Variants in DEF6 observed in about 807,000 individuals in gnomAD.
DEF6 encodes the protein DEF6 guanine nucleotide exchange factor, also known as differentially expressed in FDCP 6 homolog.
Under a neutral mutation model 80.5 loss-of-function variants are expected in DEF6, and 32 were observed. The observed-to-expected ratio is 0.40, with a 90% confidence interval of 0.30 to 0.53. The LOEUF is 0.53. Ranked by LOEUF, DEF6 falls within the 20% of genes least tolerant of loss-of-function variation. The probability of loss-of-function intolerance (pLI) is 0.57; values close to 1 mark genes in which losing one functional copy is unlikely to be tolerated. For synonymous variants in DEF6, 300 were observed against 337.9 expected, an observed-to-expected ratio of 0.89 and a Z score of 1.23; for missense variants, 575 against 818.7, an observed-to-expected ratio of 0.70 and a Z score of 3.63.
chr6:35,312,210 C>G lies in DEF6; in HGVS notation c.424-92C>G. ...CGCTCTGTCCCCTGTTTCCCTCTGC[C>G]CAGGCTCTGGGAGCCAGATAGAGCA... is the stretch of plus-strand genomic sequence containing the variant. On this transcript the variant is annotated intron_variant, in intron 3 of 10. Coordinates refer to ENST00000316637, the MANE Select transcript of DEF6 (RefSeq NM_022047.4). The surrounding 1 kb of genome is among the most constrained non-coding windows in gnomAD (Gnocchi z 6.6). 4 of 1,106,004 alleles carry G rather than the reference C, an allele frequency of 3.6e-6. No homozygotes were observed. Among genetic ancestry groups the G allele is most frequent in the Non-Finnish European group, 5.3e-6 (4 of 754,332 alleles). The allele number at this position is 1,106,004 out of a possible 1,614,324, so 68.5% of individuals were successfully genotyped here.
At chr6:35,302,070 T>G (rs2150384733) in intron 1 of DEF6, among the ~76,000 whole-genome samples, 1 of 152,032 alleles carries the variant, frequency 6.6e-6, no homozygotes, top group African/African-American at 2.4e-5. Flanking sequence ...CTAGATTCAT[T>G]TAAAGACCTT....
Position 35,321,358 on chromosome 6 carries a change from C to T in DEF6, c.1844C>T (p.Ala615Val). 6.2e-7 allele frequency: 1 copy of T among 1,614,108 alleles called. No homozygotes were observed. The highest frequency in any genetic ancestry group is 8.5e-7 in the Non-Finnish European group (1 of 1,179,988). ...CTCAATGGTGGGGATGAGGCTCCTG[C>T]CCCGGCTTCCACCCCTCAGGAAGAT... Reference protein sequence around the residue: ...KSLNGGDEAPAPASTPQEDKL... With the variant: ...KSLNGGDEAPVPASTPQEDKL... The change falls in exon 11 of 11, where the codon GCC (alanine) becomes GTC (valine). Residue 615 changes from alanine to valine, a missense_variant. Transcript: ENST00000316637.
chr6:35,318,087 G>T lies in DEF6; in HGVS notation c.917-86G>T. On this transcript the variant is annotated intron_variant, in intron 6 of 10. Coordinates refer to ENST00000316637, the MANE Select transcript of DEF6 (RefSeq NM_022047.4). This position sits in a 1 kb window ranked among gnomAD's most constrained non-coding sequence, Gnocchi z 5.1. ...GGTGATAATACTTTGTCCAGCGGGAGGTTGGAGAGTGGACTCGGGAAACTC... is the reference window on the plus strand; with the variant it reads ...GGTGATAATACTTTGTCCAGCGGGATGTTGGAGAGTGGACTCGGGAAACTC... 7 of 1,544,476 alleles carry T rather than the reference G, an allele frequency of 4.5e-6. No individual in the cohort carries two copies. The highest frequency in any genetic ancestry group is 6.1e-6 in the Non-Finnish European group (7 of 1,144,178).
chr6:35,320,169 T>C, intron 9 of DEF6, 152 bp downstream of exon 9: 2 of 698,996 alleles, frequency 2.9e-6, no homozygotes, highest in Non-Finnish European at 2.4e-6. Context: ...GGAGTTAGTC[T>C]CTCACCTGGG....
At chr6:35,305,877 T>G (rs1348028466) in intron 1 of DEF6, among the ~76,000 whole-genome samples, 6 of 145,776 alleles carry the variant, frequency 4.1e-5, no homozygotes, top group African/African-American at 1.3e-4. Context: ...CTGGCCAAAT[T>G]TGTTTTTTTG....
Position 35,318,794 on chromosome 6 carries a change from G to A in DEF6, c.1215+323G>A, listed in dbSNP as rs1791553909. Among the ~76,000 whole-genome samples the A allele has an allele frequency of 6.6e-6, 1 of 152,160 alleles. No individual in the cohort carries two copies. On this transcript the variant is annotated intron_variant, in intron 7 of 10. Transcript: ENST00000316637. This position sits in a 1 kb window ranked among gnomAD's most constrained non-coding sequence, Gnocchi z 5.1. ...GGCAGAAGGAGCCGTTGAAGACCGT[G>A]TGATTGGGGATTAGACTGGACCAAG...
intron 1 of DEF6, among the ~76,000 whole-genome samples, chr6:35,299,126 T>G (rs1381716076): frequency 6.6e-6 from 1 of 152,152 alleles, no homozygotes; most frequent in Non-Finnish European, 1.5e-5. Context: ...TTTGTGAGCA[T>G]CTAATAGATG....
intron 1 of DEF6, among the ~76,000 whole-genome samples, chr6:35,301,131 T>G (rs1791308404): frequency 1.3e-5 from 2 of 152,186 alleles, no homozygotes; most frequent in East Asian, 3.8e-4. Flanking sequence ...GTGAGACTCT[T>G]GCCCACTGAG....
chr6:35,305,241 G>T (rs534696631), intron 1 of DEF6, among the ~76,000 whole-genome samples: 2 of 150,596 alleles, frequency 1.3e-5, no homozygotes, highest in Non-Finnish European at 3.0e-5. Flanking sequence ...GACTTCCTGG[G>T]CTCAAGCAAT....
At chr6:35,304,600 G>A (rs1281219133) in intron 1 of DEF6, among the ~76,000 whole-genome samples, 2 of 152,216 alleles carry the variant, frequency 1.3e-5, no homozygotes, top group Non-Finnish European at 2.9e-5. Context: ...ATGGGGCCTG[G>A]AGGCCTGTGG....
chr6:35,306,285 C>T lies in DEF6; in HGVS notation c.97-3385C>T, dbSNP rs1285544489. ...CAGCACTTTGGGAGGCCGAGGCGGG[C>T]GGAACACCTGAGGTCAGGAGTTTGA... On this transcript the variant is annotated intron_variant, in intron 1 of 10. Transcript: ENST00000316637. Among the ~76,000 whole-genome samples the T allele has an allele frequency of 1.1e-4, 16 of 150,968 alleles. No homozygotes were observed. The South Asian group carries it at 1.7e-3, about 16-fold the overall frequency.
At chr6:35,316,838 A>G (rs1048218456) in intron 5 of DEF6, among the ~76,000 whole-genome samples, 1 of 152,118 alleles carries the variant, frequency 6.6e-6, no homozygotes, top group African/African-American at 2.4e-5. Flanking sequence ...ATCACACCAA[A>G]CAGAAACTCT....
chr6:35,319,912 A>G lies in DEF6; in HGVS notation c.1476A>G (p.Glu492=). The G allele has an allele frequency of 6.4e-7, 1 of 1,572,400 alleles. No homozygotes were observed. Among genetic ancestry groups the G allele is most frequent in the South Asian group, 1.2e-5 (1 of 85,742 alleles). Residue 492 remains glutamate (E), a synonymous_variant, in exon 9 of 11, where the codon GAA becomes GAG. Transcript: ENST00000316637. The surrounding 1 kb of genome is among the most constrained non-coding windows in gnomAD (Gnocchi z 4.5). ...RYIERAQQEK[E]ELQQEMAQQS... ...TCGAACGGGCGCAGCAGGAGAAGGA[A>G]GAGCTGCAGCAGGAGATGGCACAGC... is the stretch of plus-strand genomic sequence containing the variant.
chr6:35,301,976 CT>C (rs1337724367), intron 1 of DEF6, among the ~76,000 whole-genome samples: 1 of 152,100 alleles, frequency 6.6e-6, no homozygotes, highest in Non-Finnish European at 1.5e-5. Context: ...ATCCACCTGC[CT>C]TGGCCTCCCA....
chr6:35,302,675 A>C (rs1027542447), intron 1 of DEF6, among the ~76,000 whole-genome samples: 11 of 152,170 alleles, frequency 7.2e-5, no homozygotes, highest in African/African-American at 2.7e-4. Context: ...GGGTTTGTGG[A>C]GACTGTGGGA....
At chr6:35,307,205 C>A (rs1458987408) in intron 1 of DEF6, among the ~76,000 whole-genome samples, 2 of 152,204 alleles carry the variant, frequency 1.3e-5, no homozygotes, top group African/African-American at 2.4e-5. Context: ...TTGAGACCAG[C>A]CTGGCCAACA....
intron 2 of DEF6, 68 bp downstream of exon 2, chr6:35,309,878 T>C (rs1791440751): frequency 3.2e-6 from 5 of 1,571,474 alleles, no homozygotes; most frequent in Non-Finnish European, 4.3e-6. Flanking sequence ...AGCAGCCTAA[T>C]ACCTTGCCAC....
chr6:35,319,726 C>T lies in DEF6; in HGVS notation c.1382+36C>T. 3 of 1,607,674 alleles carry T rather than the reference C, an allele frequency of 1.9e-6. No individual in the cohort carries two copies. The highest frequency in any genetic ancestry group is 2.6e-6 in the Non-Finnish European group (3 of 1,175,430). Reference sequence around the variant, plus strand: ...GGAACCTCTTCTGGTTCTCTCACCACCCCTCCTGGAACACACCCCAGTTTT... The same window carrying T: ...GGAACCTCTTCTGGTTCTCTCACCATCCCTCCTGGAACACACCCCAGTTTT... On this transcript the variant is annotated intron_variant, in intron 8 of 10. Coordinates refer to ENST00000316637, the MANE Select transcript of DEF6 (RefSeq NM_022047.4). This position sits in a 1 kb window ranked among gnomAD's most constrained non-coding sequence, Gnocchi z 4.5.
At chr6:35,316,353 G>T (rs949440744) in intron 5 of DEF6, among the ~76,000 whole-genome samples, 2 of 152,070 alleles carry the variant, frequency 1.3e-5, no homozygotes, top group African/African-American at 4.8e-5. Context: ...TGCAAACAAG[G>T]CTAATCTGAC....
Sources: gnomAD v4.1 joint callset for allele counts (sites outside exome capture counted in the v4.1 genomes callset) on GRCh38, gnomAD v4.1.1 for gene constraint, Gnocchi (gnomAD v3.1) non-coding constraint, MANE v1.5 for transcripts, NCBI Gene and HGNC (gene_info 2026-07-23, HGNC 2026-07-21) for gene names.